Variants in FRMD5 observed in about 807,000 individuals in gnomAD.
FRMD5 encodes the protein FERM domain-containing protein 5.
Under a neutral mutation model 69.0 loss-of-function variants are expected in FRMD5, and 20 were observed. That is an observed-to-expected ratio of 0.29 (90% CI 0.20 to 0.42). FRMD5 has a LOEUF of 0.42. Among genes scored for constraint, FRMD5 ranks in the 10% least tolerant of loss-of-function variants. The probability of loss-of-function intolerance (pLI) is 1.00; values close to 1 mark genes in which losing one functional copy is unlikely to be tolerated. For synonymous variants in FRMD5, 271 were observed against 260.1 expected (o/e 1.04, Z -0.40); for missense variants, 595 against 708.6 (o/e 0.84, Z 1.82).
At chr15:43,921,304 T>C (rs889110271) in intron 2 of FRMD5, among the ~76,000 whole-genome samples, 1 of 152,076 alleles carries the variant, frequency 6.6e-6, no homozygotes, top group African/African-American at 2.4e-5. Context: ...CCCCAGACAT[T>C]AGACTGATAG....
intron 1 of FRMD5, among the ~76,000 whole-genome samples, chr15:44,070,137 T>C (rs1204529444): frequency 6.6e-6 from 1 of 152,126 alleles, no homozygotes; most frequent in Non-Finnish European, 1.5e-5. Flanking sequence ...GGGAATGTGA[T>C]GGCATAAGTG....
At chr15:44,077,107 C>A (rs549596148) in intron 1 of FRMD5, among the ~76,000 whole-genome samples, 51 of 152,190 alleles carry the variant, frequency 3.4e-4, no homozygotes, top group African/African-American at 1.1e-3. Context: ...AACATTTTCC[C>A]TGGGGAAATC....
chr15:43,880,267 CTT>C (rs575327786), intron 13 of FRMD5, among the ~76,000 whole-genome samples: 4 of 152,294 alleles, frequency 2.6e-5, no homozygotes, highest in African/African-American at 9.6e-5. Context: ...AAAAGAAAGT[CTT>C]TGGTGGAGCA....
chr15:44,091,996 G>C (rs1185322868), intron 1 of FRMD5, among the ~76,000 whole-genome samples: 1 of 152,110 alleles, frequency 6.6e-6, no homozygotes, highest in Non-Finnish European at 1.5e-5. Flanking sequence ...TGGGATGCAA[G>C]AGAAGCAGAC....
At chr15:44,191,899 ATATATATATATATATATATATAT>A (rs986657212) in intron 1 of FRMD5, among the ~76,000 whole-genome samples, 234 of 704 alleles carry the variant, frequency 0.33, 1 homozygote, top group South Asian at 0.5. Context: ...GTAAATATAT[ATATATATATATATATATATATAT>A]TATATATATA....
chr15:44,075,974 T>C (rs1042173364), intron 1 of FRMD5, among the ~76,000 whole-genome samples: 1 of 152,210 alleles, frequency 6.6e-6, no homozygotes, highest in African/African-American at 2.4e-5. Flanking sequence ...TTTTGAGAAG[T>C]GTCTGTTCGT....
intron 1 of FRMD5, among the ~76,000 whole-genome samples, chr15:44,190,731 T>C (rs1192803603): frequency 6.6e-6 from 1 of 152,224 alleles, no homozygotes; most frequent in African/African-American, 2.4e-5. Flanking sequence ...ATACAGGTGT[T>C]AGAACTGTTT....
chr15:44,132,782 G>A (rs1343247958), intron 1 of FRMD5, among the ~76,000 whole-genome samples: 2 of 151,278 alleles, frequency 1.3e-5, no homozygotes, highest in Non-Finnish European at 2.9e-5. Flanking sequence ...TTTTGAGACA[G>A]AGTCTCGCCC....
At chr15:44,046,429 T>A (rs892010905) in intron 1 of FRMD5, among the ~76,000 whole-genome samples, 1 of 152,206 alleles carries the variant, frequency 6.6e-6, no homozygotes, top group Non-Finnish European at 1.5e-5. Flanking sequence ...CACTTCCATA[T>A]CCTTACACAT....
intron 1 of FRMD5, among the ~76,000 whole-genome samples, chr15:44,155,715 T>G (rs2077516419): frequency 6.6e-6 from 1 of 151,618 alleles, no homozygotes; most frequent in Admixed American, 6.6e-5. Flanking sequence ...TGCCTCAGCC[T>G]CCCGAGTAGC....
chr15:43,874,490 G>A (rs913879149), intron 13 of FRMD5, 28 bp from the exon 14 acceptor site: 38 of 1,573,806 alleles, frequency 2.4e-5, no homozygotes, highest in Non-Finnish European at 3.3e-5. Context: ...ACATGAGTAG[G>A]CTGTGTCCCA....
At chr15:44,032,460 A>T (rs1891724268) in intron 1 of FRMD5, among the ~76,000 whole-genome samples, 1 of 152,366 alleles carries the variant, frequency 6.6e-6, no homozygotes, top group East Asian at 1.9e-4. Context: ...TATGCATCTG[A>T]CAAAGGTGTA....
chr15:44,027,959 A>C (rs923857533), intron 1 of FRMD5, among the ~76,000 whole-genome samples: 3 of 152,068 alleles, frequency 2.0e-5, no homozygotes, highest in African/African-American at 7.2e-5. Context: ...CTGACTTTCA[A>C]AACTTCTGCC....
At chr15:43,887,272 C>A (rs1390055610) in intron 10 of FRMD5, among the ~76,000 whole-genome samples, 1 of 152,192 alleles carries the variant, frequency 6.6e-6, no homozygotes. Context: ...AGTTCTTGGG[C>A]TGCTCCTCAG....
intron 1 of FRMD5, among the ~76,000 whole-genome samples, chr15:44,060,461 C>T (rs959106321): frequency 3.9e-4 from 59 of 152,312 alleles, no homozygotes; most frequent in African/African-American, 1.3e-3. Context: ...AGAACACTGA[C>T]ATTCCTAAAC....
chr15:44,152,174 A>T (rs1406338291), intron 1 of FRMD5, among the ~76,000 whole-genome samples: 1 of 152,144 alleles, frequency 6.6e-6, no homozygotes, highest in Non-Finnish European at 1.5e-5. Context: ...GCGCCACTGT[A>T]CTCCAGCCTG....
At position 43,989,072 on chromosome 15, in the gene FRMD5, T is replaced by G; in HGVS notation, c.103-64763A>C. On this transcript the variant is annotated intron_variant, in intron 1 of 13. Coordinates refer to ENST00000417257, the MANE Select transcript of FRMD5 (RefSeq NM_032892.5). ...AAGTCACAGTCCGCCTAGAAGCATCTGCGGTGGATGATGGAGGTGCCTGAC... is the reference window on the plus strand; with the variant it reads ...AAGTCACAGTCCGCCTAGAAGCATCGGCGGTGGATGATGGAGGTGCCTGAC... The G allele has an allele frequency of 3.3e-6, 3 of 904,076 alleles. No homozygotes were observed. The South Asian group carries it at 3.9e-5, about 12-fold the overall frequency. 56.0% of individuals were successfully genotyped at this position (904,076 alleles called of 1,614,324 possible).
At chr15:43,919,566 G>T in intron 3 of FRMD5, 29 bp from the exon 4 acceptor site, 1 of 1,607,612 alleles carries the variant, frequency 6.2e-7, no homozygotes. Flanking sequence ...GCTCATCAGG[G>T]AAGACTCTCA....
intron 1 of FRMD5, among the ~76,000 whole-genome samples, chr15:44,084,405 C>T (rs1894110547): frequency 6.6e-6 from 1 of 152,090 alleles, no homozygotes; most frequent in South Asian, 2.1e-4. Flanking sequence ...AGTCATCTTG[C>T]TCCTGTTTGG....
Sources: gnomAD v4.1 joint callset for allele counts (sites outside exome capture counted in the v4.1 genomes callset) on GRCh38, gnomAD v4.1.1 for gene constraint, MANE v1.5 for transcripts, NCBI Gene and HGNC (gene_info 2026-07-23, HGNC 2026-07-21) for gene names.